The following ZNF469 variants were observed in gnomAD, a reference collection of about 807,000 sequenced individuals.
The protein encoded by ZNF469 is zinc finger protein 469.
In ZNF469, 1 loss-of-function variant was observed where a neutral mutation model predicts 1.0. The ratio of observed to expected loss-of-function variants is 1.00; its 90% confidence interval spans 0.35 to 4.73. The LOEUF (loss-of-function observed/expected upper bound fraction) is 4.73, where lower values mean the gene tolerates loss of function less well. ZNF469 is among the 30% of genes most tolerant of loss of function. ZNF469 has a pLI of 0.16. For synonymous variants in ZNF469, 2,703 were observed against 2,363.4 expected (o/e 1.14, Z -4.17); for missense variants, 6,100 against 5,356.3 (o/e 1.14, Z -4.33).
At chr16:88,293,011 AT>A in the ZNF469 span, among the ~76,000 whole-genome samples, 5 of 152,184 alleles carry the variant, frequency 3.3e-5, no homozygotes, top group African/African-American at 1.2e-4. Flanking sequence ...GATCAATGGC[AT>A]GGCCTCTACC....
At chr16:88,298,537 C>T in the ZNF469 span, among the ~76,000 whole-genome samples, 3 of 152,336 alleles carry the variant, frequency 2.0e-5, no homozygotes, top group East Asian at 5.8e-4. Context: ...TTAAGCTTTT[C>T]ACATTAGGAA....
chr16:88,423,595 C>T (rs1345673376), intron 1 of ZNF469, among the ~76,000 whole-genome samples: 1 of 152,176 alleles, frequency 6.6e-6, no homozygotes, highest in African/African-American at 2.4e-5. Flanking sequence ...CACAGCCTAG[C>T]GGGTGGTTCT....
At chr16:88,421,736 G>A (rs533712284) in intron 1 of ZNF469, among the ~76,000 whole-genome samples, 9 of 152,346 alleles carry the variant, frequency 5.9e-5, no homozygotes, top group South Asian at 2.1e-4. Flanking sequence ...TGTTCAGCGC[G>A]GAAGAAGCAC....
the ZNF469 span, among the ~76,000 whole-genome samples, chr16:88,359,599 C>T: frequency 6.6e-6 from 1 of 152,208 alleles, no homozygotes; most frequent in Non-Finnish European, 1.5e-5. Flanking sequence ...GCTCGAGTTT[C>T]AGTCCACTTA....
rs1906692423 is a variant in ZNF469 at position 88,437,679 on chromosome 16, C to T, written c.10209C>T (p.Ala3403=). ...AGCTGCAGCACACGCCGCTGTATGC[C>T]TGCGAGCTCTGCGCCACGGTTATGC... ...RPELQHTPLY[A]CELCATVMRI... Residue 3403 remains alanine, a synonymous_variant, in exon 3 of 3, where the codon GCC becomes GCT. Coordinates refer to ENST00000565624, the MANE Select transcript of ZNF469 (RefSeq NM_001367624.2). The T allele has an allele frequency of 1.3e-6, 2 of 1,549,418 alleles. No homozygotes were observed. Among genetic ancestry groups the T allele is most frequent in the African/African-American group, 1.4e-5 (1 of 73,028 alleles).
Position 88,431,804 on chromosome 16 carries a change from C to T in ZNF469, c.4334C>T (p.Ala1445Val). 1 of 1,549,756 alleles carries T rather than the reference C, an allele frequency of 6.5e-7. No individual in the cohort carries two copies. Among genetic ancestry groups the T allele is most frequent in the Non-Finnish European group, 8.7e-7 (1 of 1,146,932 alleles). The change falls in exon 3 of 3, where the codon GCA (alanine) becomes GTA (valine). Residue 1445 changes from alanine to valine, a missense_variant. Physicochemically the swap from Ala to Val is moderately conservative, Grantham distance 64. Coordinates refer to ENST00000565624, the MANE Select transcript of ZNF469 (RefSeq NM_001367624.2). ...GCTGAGACGGAGCCAGGCAGGGCTG[C>T]ATCGCCACCGACCTTGGAGTCCTCA... Reference protein sequence around the residue: ...GTAETEPGRAASPPTLESSSL... With the variant: ...GTAETEPGRAVSPPTLESSSL...
At chr16:88,124,109 A>G in the ZNF469 span, among the ~76,000 whole-genome samples, 1 of 150,382 alleles carries the variant, frequency 6.6e-6, no homozygotes, top group Admixed American at 6.6e-5. Context: ...AGCCAGTTTC[A>G]CTCATTTTTA....
the ZNF469 span, among the ~76,000 whole-genome samples, chr16:88,289,079 TGAG>T: frequency 6.6e-6 from 1 of 151,872 alleles, no homozygotes; most frequent in Admixed American, 6.6e-5. Flanking sequence ...GTGATGATGA[TGAG>T]GATGTTGATA....
the ZNF469 span, among the ~76,000 whole-genome samples, chr16:88,258,866 G>A: frequency 3.9e-5 from 6 of 152,330 alleles, no homozygotes; most frequent in East Asian, 1.2e-3. Context: ...TCAAGGAACC[G>A]AAGCTCAGAG....
In ZNF469 at chr16:88,424,396, G is replaced by C. The variant is rs548262895; in HGVS notation, c.-191-411G>C. Among the ~76,000 whole-genome samples, 1 of 152,348 alleles carries C rather than the reference G, an allele frequency of 6.6e-6. No individual in the cohort carries two copies. The highest frequency in any genetic ancestry group is 6.5e-5 in the Admixed American group (1 of 15,310). ...CCAGGGACTCTGGGAGGAAACACCA[G>C]AAGCTCCTCTAGTCTCCCCAGCGGG... is the stretch of plus-strand genomic sequence containing the variant. On this transcript the variant is annotated intron_variant, in intron 1 of 2. Transcript: ENST00000565624. The surrounding 1 kb of genome is among the most constrained non-coding windows in gnomAD (Gnocchi z 4.3).
the ZNF469 span, among the ~76,000 whole-genome samples, chr16:88,214,859 T>C: frequency 6.6e-6 from 1 of 152,226 alleles, no homozygotes; most frequent in Non-Finnish European, 1.5e-5. Context: ...CTGCATAATA[T>C]TGCATGGTGT....
At chr16:88,140,806 G>A in the ZNF469 span, among the ~76,000 whole-genome samples, 13 of 152,264 alleles carry the variant, frequency 8.5e-5, no homozygotes, top group East Asian at 1.9e-4. Context: ...GGTGGCGGGC[G>A]CCTATAATCC....
chr16:88,439,039 G>T lies in ZNF469; in HGVS notation c.11569G>T (p.Val3857Leu), dbSNP rs371430688. 5 of 1,550,124 alleles carry T rather than the reference G, an allele frequency of 3.2e-6. No individual in the cohort carries two copies. The highest frequency in any genetic ancestry group is 4.4e-6 in the Non-Finnish European group (5 of 1,146,930). ...TCGGAAGCAGGCAACTCCCAGCCGC[G>T]TGCTCCCGACCAAGCCCAAGCCCAA... ...TPRKQATPSR[V>L]LPTKPKPNSQ... is the part of the protein sequence containing the mutation. The change falls in exon 3 of 3, where the codon GTG becomes TTG. Residue 3857 changes from valine to leucine, a missense_variant. Physicochemically the swap from Val to Leu is conservative, Grantham distance 32. Coordinates refer to ENST00000565624, the MANE Select transcript of ZNF469 (RefSeq NM_001367624.2).
chr16:88,115,725 G>A, the ZNF469 span, among the ~76,000 whole-genome samples: 24 of 150,814 alleles, frequency 1.6e-4, no homozygotes, highest in African/African-American at 2.2e-4. Context: ...CCTTCCAGCC[G>A]TACTCCTTCT....
At chr16:88,358,085 G>A in the ZNF469 span, among the ~76,000 whole-genome samples, 1 of 152,204 alleles carries the variant, frequency 6.6e-6, no homozygotes, top group Non-Finnish European at 1.5e-5. Flanking sequence ...CTCCTTTCAG[G>A]GCAAGCTTCG....
At chr16:88,337,761 A>T in the ZNF469 span, among the ~76,000 whole-genome samples, 2 of 152,168 alleles carry the variant, frequency 1.3e-5, no homozygotes, top group Non-Finnish European at 2.9e-5. Flanking sequence ...CTGGTGGCTG[A>T]TGGTGTCAGG....
the ZNF469 span, among the ~76,000 whole-genome samples, chr16:88,305,805 C>T: frequency 1.3e-5 from 2 of 152,200 alleles, no homozygotes; most frequent in Non-Finnish European, 2.9e-5. Context: ...CACATATACA[C>T]ATGTATGCAC....
At chr16:88,296,361 CAT>C in the ZNF469 span, among the ~76,000 whole-genome samples, 1 of 152,192 alleles carries the variant, frequency 6.6e-6, no homozygotes, top group Admixed American at 6.5e-5. Context: ...CTCACACACA[CAT>C]GCTCATGCAC....
At chr16:88,153,233 G>A in the ZNF469 span, among the ~76,000 whole-genome samples, 1 of 152,202 alleles carries the variant, frequency 6.6e-6, no homozygotes, top group East Asian at 1.9e-4. Flanking sequence ...CCACAGCGGA[G>A]CCTCCAATCA....
Sources: gnomAD v4.1 joint callset for allele counts (sites outside exome capture counted in the v4.1 genomes callset) on GRCh38, gnomAD v4.1.1 for gene constraint, Gnocchi (gnomAD v3.1) non-coding constraint, MANE v1.5 for transcripts, NCBI Gene and HGNC (gene_info 2026-07-23, HGNC 2026-07-21) for gene names.